The following CTDSPL2 variants were observed in gnomAD, a reference collection of about 807,000 sequenced individuals.
CTDSPL2 encodes CTD small phosphatase like 2.
A neutral mutation model predicts 60.0 loss-of-function variants in CTDSPL2; 5 were observed. The ratio of observed to expected loss-of-function variants is 0.08; its 90% CI spans 0.04 to 0.18. The LOEUF (loss-of-function observed/expected upper bound fraction) is 0.18. Ranked by LOEUF, CTDSPL2 falls within the 10% of genes least tolerant of loss-of-function variation. The pLI is 1.00. For missense variants in CTDSPL2, 370 were observed against 548.8 expected, an observed-to-expected ratio of 0.67 and a Z score of 3.26; for synonymous variants, 186 against 189.3, an observed-to-expected ratio of 0.98 and a Z score of 0.14.
chr15:44,454,350 C>G (rs1012565974), intron 1 of CTDSPL2, among the ~76,000 whole-genome samples: 3 of 152,042 alleles, frequency 2.0e-5, no homozygotes, highest in African/African-American at 7.2e-5. Flanking sequence ...GAGTAGATTG[C>G]AAAATTTTTC....
At chr15:44,431,719 T>TGTTTG (rs1555428974) in intron 1 of CTDSPL2, among the ~76,000 whole-genome samples, 1 of 135,854 alleles carries the variant, frequency 7.4e-6, no homozygotes, top group Non-Finnish European at 1.5e-5. Context: ...TTTGTTTGTT[T>TGTTTG]TTTTTTTTTT....
At chr15:44,485,374 T>C (rs538303694) in intron 3 of CTDSPL2, among the ~76,000 whole-genome samples, 8 of 152,264 alleles carry the variant, frequency 5.3e-5, no homozygotes, top group Admixed American at 5.2e-4. Flanking sequence ...GTCCCCAACC[T>C]CTTGGCAGCA....
At chr15:44,480,347 T>C (rs1038362479) in intron 2 of CTDSPL2, among the ~76,000 whole-genome samples, 1 of 152,218 alleles carries the variant, frequency 6.6e-6, no homozygotes, top group African/African-American at 2.4e-5. Context: ...TGCTTATTTC[T>C]GTTTTCCTTT....
chr15:44,454,888 T>C (rs1408938452), intron 1 of CTDSPL2, among the ~76,000 whole-genome samples: 3 of 152,222 alleles, frequency 2.0e-5, no homozygotes, highest in African/African-American at 7.2e-5. Context: ...TCTTTTGGCT[T>C]AGGATTGTCT....
intron 4 of CTDSPL2, among the ~76,000 whole-genome samples, chr15:44,487,837 C>T (rs1030431089): frequency 1.3e-5 from 2 of 151,980 alleles, no homozygotes; most frequent in African/African-American, 4.8e-5. Context: ...AGGAATAGGC[C>T]GGGCACCGTG....
intron 12 of CTDSPL2, among the ~76,000 whole-genome samples, chr15:44,522,547 G>C (rs1595786485): frequency 6.6e-6 from 1 of 152,180 alleles, no homozygotes; most frequent in Non-Finnish European, 1.5e-5. Flanking sequence ...GAGGTCAGGA[G>C]GTCGAGACCA....
At chr15:44,435,608 GT>G (rs1220492528) in intron 1 of CTDSPL2, among the ~76,000 whole-genome samples, 301 of 133,746 alleles carry the variant, frequency 2.3e-3, no homozygotes, top group Middle Eastern at 3.9e-3. Flanking sequence ...TTGTAGAGTT[GT>G]TTTTTTTTTT....
chr15:44,499,023 T>C (rs1384432779), intron 7 of CTDSPL2, among the ~76,000 whole-genome samples: 1 of 152,196 alleles, frequency 6.6e-6, no homozygotes, highest in Non-Finnish European at 1.5e-5. Flanking sequence ...AAAAGTAGCA[T>C]GCATGTGGGT....
At chr15:44,449,656 G>T (rs1445379133) in intron 1 of CTDSPL2, among the ~76,000 whole-genome samples, 1 of 151,740 alleles carries the variant, frequency 6.6e-6, no homozygotes, top group African/African-American at 2.4e-5. Context: ...GAAGTTTTTT[G>T]ATTAGAACTC....
At chr15:44,486,196 A>C (rs1373724337) in intron 3 of CTDSPL2, among the ~76,000 whole-genome samples, 1 of 152,240 alleles carries the variant, frequency 6.6e-6, no homozygotes, top group Non-Finnish European at 1.5e-5. Context: ...TGTAAACAAA[A>C]ATAAAATTAT....
At chr15:44,457,407 C>A (rs2140689195) in intron 1 of CTDSPL2, among the ~76,000 whole-genome samples, 1 of 152,312 alleles carries the variant, frequency 6.6e-6, no homozygotes, top group South Asian at 2.1e-4. Flanking sequence ...TTTCCTTAAA[C>A]CTCATGAACC....
intron 8 of CTDSPL2, among the ~76,000 whole-genome samples, chr15:44,512,976 G>T (rs911218558): frequency 6.6e-6 from 1 of 151,776 alleles, no homozygotes; most frequent in African/African-American, 2.4e-5. Context: ...GGAGGCTGGG[G>T]TAGGAGAATT....
Position 44,524,951 on chromosome 15 carries a change from A to C in CTDSPL2, c.*777A>C, listed in dbSNP as rs972143985. The C allele has an allele frequency of 6.5e-6, 1 of 154,202 alleles. No individual in the cohort carries two copies. The highest frequency in any genetic ancestry group is 2.4e-5 in the African/African-American group (1 of 41,544). The allele number at this position is 154,202 out of a possible 1,614,324, so 9.6% of individuals were successfully genotyped here. On this transcript the variant is annotated 3_prime_UTR_variant, in exon 13 of 13. Transcript: ENST00000260327. ...GGTAGATAAGAATATATGAATGACTAATATACAAAAGATTTAAACCATTGT... is the reference window on the plus strand; with the variant it reads ...GGTAGATAAGAATATATGAATGACTCATATACAAAAGATTTAAACCATTGT...
At chr15:44,439,683 A>G (rs2080046888) in intron 1 of CTDSPL2, among the ~76,000 whole-genome samples, 1 of 152,132 alleles carries the variant, frequency 6.6e-6, no homozygotes, top group South Asian at 2.1e-4. Context: ...TTATCTAGTA[A>G]TGGAACGCTA....
chr15:44,470,896 A>G (rs1227638627), intron 2 of CTDSPL2, among the ~76,000 whole-genome samples: 2 of 152,018 alleles, frequency 1.3e-5, no homozygotes, highest in Admixed American at 1.3e-4. Flanking sequence ...GCTATTTTTT[A>G]GAATTTTATT....
At chr15:44,428,384 T>C (rs2141241286) in intron 1 of CTDSPL2, among the ~76,000 whole-genome samples, 1 of 152,356 alleles carries the variant, frequency 6.6e-6, no homozygotes, top group South Asian at 2.1e-4. Flanking sequence ...GAGTGAACCT[T>C]ATTATCCTTA....
At chr15:44,458,844 G>C in intron 1 of CTDSPL2, 147 bp from the exon 2 acceptor site, 1 of 407,920 alleles carries the variant, frequency 2.5e-6, no homozygotes, top group Non-Finnish European at 4.2e-6. Context: ...TTAAAATGTT[G>C]GTTTCTTACT....
rs372657755 is a variant in CTDSPL2 at position 44,483,255 on chromosome 15, T to C, written c.187-969T>C. On this transcript the variant is annotated intron_variant, in intron 2 of 12. Coordinates refer to ENST00000260327, the MANE Select transcript of CTDSPL2 (RefSeq NM_016396.3). ...TCTAGCCTGGGTGACAGAGTCAGAC[T>C]CTGTCTCAAAAAAAAAAAAAAGAAA... Among the ~76,000 whole-genome samples the C allele has an allele frequency of 5.5e-5, 8 of 146,440 alleles. No homozygotes were observed. In the East Asian group the frequency reaches 1.4e-3, roughly 26 times the overall value.
chr15:44,513,942 A>G (rs1161965894), intron 8 of CTDSPL2, among the ~76,000 whole-genome samples: 1 of 152,182 alleles, frequency 6.6e-6, no homozygotes, highest in Non-Finnish European at 1.5e-5. Context: ...GTCTTTTCTG[A>G]TACTGACCAG....
Sources: allele counts gnomAD v4.1 joint callset (sites outside exome capture counted in the v4.1 genomes callset), GRCh38; gene constraint gnomAD v4.1.1; transcripts MANE v1.5; gene names NCBI Gene and HGNC (gene_info 2026-07-23, HGNC 2026-07-21).